CFAP299: variants seen among roughly 807,000 people sequenced by gnomAD.
CFAP299 encodes the protein cilia- and flagella-associated protein 299.
A neutral mutation model predicts 27.0 loss-of-function variants in CFAP299; 21 were observed. The ratio of observed to expected loss-of-function variants is 0.78; its 90% CI spans 0.55 to 1.12. The LOEUF (loss-of-function observed/expected upper bound fraction) is 1.12, where lower values mean the gene tolerates loss of function less well. Ranked by LOEUF, CFAP299 falls within the 50% of genes most tolerant of loss-of-function variation. The pLI is 0.00. For missense variants in CFAP299, 310 were observed against 276.6 expected, an observed-to-expected ratio of 1.12 and a Z score of -0.86; for synonymous variants, 104 against 98.1, an observed-to-expected ratio of 1.06 and a Z score of -0.36.
At chr4:80,660,153 AT>A (rs1740767406) in intron 3 of CFAP299, among the ~76,000 whole-genome samples, 1 of 152,166 alleles carries the variant, frequency 6.6e-6, no homozygotes. Context: ...ATAGAGGAAT[AT>A]GGATAGTAGA....
At chr4:80,630,502 GT>G (rs1211811082) in intron 3 of CFAP299, among the ~76,000 whole-genome samples, 41 of 151,776 alleles carry the variant, frequency 2.7e-4, no homozygotes, top group Non-Finnish European at 4.3e-4. Flanking sequence ...TAATAATAGT[GT>G]TTTTTTAATA....
chr4:80,750,552 C>T (rs1724877391), intron 3 of CFAP299, among the ~76,000 whole-genome samples: 1 of 152,110 alleles, frequency 6.6e-6, no homozygotes, highest in Non-Finnish European at 1.5e-5. Flanking sequence ...GATAAGAAAA[C>T]ATAGTGGTCA....
At chr4:80,395,155 T>G (rs1725710934) in intron 2 of CFAP299, among the ~76,000 whole-genome samples, 1 of 152,096 alleles carries the variant, frequency 6.6e-6, no homozygotes, top group Non-Finnish European at 1.5e-5. Flanking sequence ...GTTATTTCTA[T>G]GTATTTTATT....
chr4:80,915,181 T>A (rs1487550055), intron 4 of CFAP299, among the ~76,000 whole-genome samples: 1 of 152,036 alleles, frequency 6.6e-6, no homozygotes, highest in Non-Finnish European at 1.5e-5. Context: ...TAAAAGTTTT[T>A]AAATTTTTTT....
chr4:80,941,100 G>T (rs1272072298), intron 4 of CFAP299, among the ~76,000 whole-genome samples: 1 of 151,964 alleles, frequency 6.6e-6, no homozygotes, highest in African/African-American at 2.4e-5. Flanking sequence ...TATATTTTTA[G>T]TCATCTCTGG....
At chr4:80,639,897 C>G (rs1739641488) in intron 3 of CFAP299, 2 of 152,406 alleles carry the variant, frequency 1.3e-5, no homozygotes, top group African/African-American at 4.8e-5. Flanking sequence ...GTTTCAAACT[C>G]TTGACCTCAG....
intron 2 of CFAP299, among the ~76,000 whole-genome samples, chr4:80,473,175 T>A (rs1310052554): frequency 6.6e-6 from 1 of 151,966 alleles, no homozygotes; most frequent in Non-Finnish European, 1.5e-5. Context: ...CACCCCTAAC[T>A]CAGGTGTTGT....
chr4:80,652,555 T>G (rs1740356188), intron 3 of CFAP299, among the ~76,000 whole-genome samples: 1 of 152,086 alleles, frequency 6.6e-6, no homozygotes, highest in Non-Finnish European at 1.5e-5. Context: ...AGGCTTTGTT[T>G]GAATAGGATA....
intron 2 of CFAP299, among the ~76,000 whole-genome samples, chr4:80,405,415 T>C (rs1726365896): frequency 6.6e-6 from 1 of 152,218 alleles, no homozygotes; most frequent in Non-Finnish European, 1.5e-5. Context: ...ATTTTCTCTT[T>C]ATGAAATGGT....
rs530407854 is a variant in CFAP299 at position 80,955,941 on chromosome 4, A to C, written c.607-7576A>C. ...CTTGAACCTGGGAGGCAGAGATTGC[A>C]GTGAGCTGAGATAGATTGTGCCACT... On this transcript the variant is annotated intron_variant, in intron 5 of 5. Coordinates refer to ENST00000358105, the MANE Select transcript of CFAP299 (RefSeq NM_152770.3). 1.9e-4 allele frequency among the ~76,000 whole-genome samples: 29 copies of C among 152,316 alleles called. 1 individual carries two copies. The South Asian group carries it at 6.0e-3, about 32-fold the overall frequency.
At chr4:80,669,451 C>G (rs1160126916) in intron 3 of CFAP299, among the ~76,000 whole-genome samples, 1 of 151,802 alleles carries the variant, frequency 6.6e-6, no homozygotes, top group East Asian at 1.9e-4. Flanking sequence ...CCGTGCCTGG[C>G]CAGTTACTTG....
chr4:80,657,274 T>C (rs1740604265), intron 3 of CFAP299, among the ~76,000 whole-genome samples: 1 of 152,198 alleles, frequency 6.6e-6, no homozygotes, highest in African/African-American at 2.4e-5. Flanking sequence ...GCAATTGCTT[T>C]TGGTGTTTTA....
intron 1 of CFAP299, among the ~76,000 whole-genome samples, chr4:80,343,020 G>T (rs1184493493): frequency 6.6e-6 from 1 of 152,152 alleles, no homozygotes; most frequent in East Asian, 1.9e-4. Flanking sequence ...AGCAGGGGTT[G>T]CAATCCTAGT....
At chr4:80,735,680 C>G (rs1560724538) in intron 3 of CFAP299, among the ~76,000 whole-genome samples, 1 of 151,974 alleles carries the variant, frequency 6.6e-6, no homozygotes. Context: ...TTTCTCAGCA[C>G]CAGTCAAAAT....
intron 3 of CFAP299, among the ~76,000 whole-genome samples, chr4:80,631,488 T>A (rs1248432379): frequency 6.6e-6 from 1 of 152,122 alleles, no homozygotes; most frequent in Non-Finnish European, 1.5e-5. Flanking sequence ...TGTTTGCATT[T>A]CTTCCTTTTT....
At chr4:80,480,221 C>T (rs988163562) in intron 2 of CFAP299, among the ~76,000 whole-genome samples, 5 of 151,750 alleles carry the variant, frequency 3.3e-5, no homozygotes, top group African/African-American at 7.3e-5. Context: ...TGTGAAGATA[C>T]TGCTTGTTAT....
intron 3 of CFAP299, among the ~76,000 whole-genome samples, chr4:80,632,666 TATA>T (rs1739272021): frequency 6.6e-6 from 1 of 151,666 alleles, no homozygotes; most frequent in Admixed American, 6.6e-5. Flanking sequence ...TACTTGTACA[TATA>T]ATGAGAAGGG....
chr4:80,441,363 GAA>G (rs1298143802), intron 2 of CFAP299, among the ~76,000 whole-genome samples: 5 of 152,188 alleles, frequency 3.3e-5, no homozygotes, highest in African/African-American at 7.2e-5. Context: ...TCTCTCTGCA[GAA>G]ACCCTGCAAG....
intron 2 of CFAP299, among the ~76,000 whole-genome samples, chr4:80,419,753 C>T (rs1212533569): frequency 1.3e-5 from 2 of 152,080 alleles, no homozygotes; most frequent in African/African-American, 2.4e-5. Flanking sequence ...TATGTTAGTA[C>T]TATTTTAGCT....
Sources: allele counts gnomAD v4.1 joint callset (sites outside exome capture counted in the v4.1 genomes callset), GRCh38; gene constraint gnomAD v4.1.1; transcripts MANE v1.5; gene names NCBI Gene and HGNC (gene_info 2026-07-23, HGNC 2026-07-21).